Variants in XIRP2 observed in about 807,000 individuals in gnomAD.
XIRP2 encodes the protein xin actin binding repeat containing 2, also known as xin actin-binding repeat-containing protein 2.
Under a neutral mutation model 277.0 loss-of-function variants are expected in XIRP2, and 236 were observed. The ratio of observed to expected loss-of-function variants is 0.85; its 90% CI spans 0.77 to 0.95. The LOEUF (loss-of-function observed/expected upper bound fraction) is 0.95. Ranked by LOEUF, XIRP2 falls within the 40% of genes least tolerant of loss-of-function variation. The pLI is 0.00. For synonymous variants in XIRP2, 1,490 were observed against 1,416.5 expected, an observed-to-expected ratio of 1.05 and a Z score of -1.17; for missense variants, 4,640 against 4,157.5, an observed-to-expected ratio of 1.12 and a Z score of -3.19.
intron 2 of XIRP2, among the ~76,000 whole-genome samples, chr2:166,943,803 G>A (rs562650407): frequency 1.3e-5 from 2 of 152,324 alleles, no homozygotes; most frequent in East Asian, 3.9e-4. Flanking sequence ...TCCCCCAAGA[G>A]AAGGGCTGGA....
intron 2 of XIRP2, among the ~76,000 whole-genome samples, chr2:167,023,027 C>T (rs1369279153): frequency 6.6e-6 from 1 of 152,158 alleles, no homozygotes; most frequent in Non-Finnish European, 1.5e-5. Context: ...GAGGAATCGC[C>T]ACACGGACTT....
intron 2 of XIRP2, among the ~76,000 whole-genome samples, chr2:166,995,093 G>A (rs1687181025): frequency 6.6e-6 from 1 of 151,978 alleles, no homozygotes. Context: ...TGTTGGCCAG[G>A]GTGGTCTCAA....
chr2:166,915,128 T>C (rs576212840), intron 2 of XIRP2, among the ~76,000 whole-genome samples: 1 of 151,234 alleles, frequency 6.6e-6, no homozygotes, highest in East Asian at 2.0e-4. Flanking sequence ...CAACCACGTC[T>C]AGACTAAAAA....
At chr2:166,967,087 C>A (rs1328789906) in intron 2 of XIRP2, among the ~76,000 whole-genome samples, 1 of 151,918 alleles carries the variant, frequency 6.6e-6, no homozygotes, top group African/African-American at 2.4e-5. Context: ...AAATGTCATT[C>A]TCCATTGGCT....
chr2:167,201,248 AAG>A (rs1491295299), intron 3 of XIRP2, among the ~76,000 whole-genome samples: 4 of 75,928 alleles, frequency 5.3e-5, no homozygotes, highest in African/African-American at 3.7e-4. Flanking sequence ...GAAAGAAAGA[AAG>A]AAAGAAAGAA....
chr2:166,911,636 A>G (rs995958954), intron 2 of XIRP2, among the ~76,000 whole-genome samples: 2 of 152,124 alleles, frequency 1.3e-5, no homozygotes, highest in African/African-American at 4.8e-5. Flanking sequence ...TTATGTGTGA[A>G]TTTGATCCTG....
At chr2:167,177,040 T>A (rs79065409) in intron 3 of XIRP2, among the ~76,000 whole-genome samples, 1 of 152,198 alleles carries the variant, frequency 6.6e-6, no homozygotes, top group Non-Finnish European at 1.5e-5. Context: ...CTGAGTGAAC[T>A]TCTATGGGAG....
chr2:167,252,163 G>A (rs1559046558), intron 9 of XIRP2, among the ~76,000 whole-genome samples: 1 of 151,958 alleles, frequency 6.6e-6, no homozygotes, highest in Non-Finnish European at 1.5e-5. Context: ...TGCACTGTGT[G>A]AGAATAACAA....
intron 2 of XIRP2, among the ~76,000 whole-genome samples, chr2:167,038,153 T>A (rs1268789368): frequency 1.3e-5 from 2 of 152,034 alleles, no homozygotes; most frequent in East Asian, 3.8e-4. Context: ...TCTTTTGAGT[T>A]ATGTGCATTT....
intron 6 of XIRP2, 27 bp downstream of exon 6, chr2:167,239,992 C>T (rs775775501): frequency 6.4e-7 from 1 of 1,564,638 alleles, no homozygotes; most frequent in South Asian, 1.2e-5. Flanking sequence ...GCAGTACTTT[C>T]AAACAGTTTC....
intron 2 of XIRP2, among the ~76,000 whole-genome samples, chr2:166,960,429 G>A (rs73973535): frequency 0.047 from 7,082 of 151,724 alleles, 204 homozygotes; most frequent in East Asian, 0.079. Context: ...TCTCCCACCA[G>A]GATCAGGTTT....
At chr2:167,147,122 T>C (rs748785755) in intron 3 of XIRP2, among the ~76,000 whole-genome samples, 1 of 152,178 alleles carries the variant, frequency 6.6e-6, no homozygotes, top group Non-Finnish European at 1.5e-5. Flanking sequence ...GAAATATGCT[T>C]AAGCAGAAAT....
intron 2 of XIRP2, among the ~76,000 whole-genome samples, chr2:167,115,626 G>C (rs1334248805): frequency 1.3e-5 from 2 of 152,138 alleles, no homozygotes; most frequent in South Asian, 2.1e-4. Context: ...TCTTGGAGGG[G>C]CCTCTTCTGA....
intron 2 of XIRP2, among the ~76,000 whole-genome samples, chr2:166,987,508 A>G (rs1384005905): frequency 6.6e-6 from 1 of 152,234 alleles, no homozygotes; most frequent in Non-Finnish European, 1.5e-5. Flanking sequence ...TATAAATAAT[A>G]ATATTTTCAC....
chr2:167,245,796 G>A lies in XIRP2; in HGVS notation c.4404G>A (p.Gly1468=), dbSNP rs768569491. 1 of 1,613,558 alleles carries A rather than the reference G, an allele frequency of 6.2e-7. No homozygotes were observed. The highest frequency in any genetic ancestry group is 1.3e-5 in the African/African-American group (1 of 74,876). The change falls in exon 9 of 11, where the codon GGG becomes GGA. Residue 1468 remains glycine, a synonymous_variant. Coordinates refer to ENST00000409195, the MANE Select transcript of XIRP2 (RefSeq NM_152381.6). ...THTMDELRGE[G]LEYENIKTVT... Reference sequence around the variant, plus strand: ...CTATGGATGAACTGAGAGGAGAAGGGTTAGAATATGAAAATATCAAGACAG... The same window carrying A: ...CTATGGATGAACTGAGAGGAGAAGGATTAGAATATGAAAATATCAAGACAG...
Position 167,248,408 on chromosome 2 carries a change from A to G in XIRP2, c.7016A>G (p.Glu2339Gly). 2 of 1,613,696 alleles carry G rather than the reference A, an allele frequency of 1.2e-6. No homozygotes were observed. The highest frequency in any genetic ancestry group is 1.7e-6 in the Non-Finnish European group (2 of 1,179,804). ...ACAGAGAAGATAAAGGCTGAATTTG[A>G]AAGTTTTCCAGGCCTCCCTCTTCCT... is the stretch of plus-strand genomic sequence containing the variant. ...LSTEKIKAEF[E>G]SFPGLPLPPP... Residue 2339 changes from glutamate to glycine, a missense_variant, in exon 9 of 11, where the codon GAA becomes GGA. Coordinates refer to ENST00000409195, the MANE Select transcript of XIRP2 (RefSeq NM_152381.6).
At chr2:166,973,428 C>T (rs79905618) in intron 2 of XIRP2, among the ~76,000 whole-genome samples, 2,230 of 152,230 alleles carry the variant, frequency 0.015, 26 homozygotes, top group Middle Eastern at 0.031. Context: ...CTAGTTATTT[C>T]CATGTAGGTG....
intron 2 of XIRP2, among the ~76,000 whole-genome samples, chr2:166,986,043 G>A (rs1477527808): frequency 1.3e-5 from 2 of 152,178 alleles, no homozygotes; most frequent in Non-Finnish European, 2.9e-5. Context: ...GCACCAGGTT[G>A]TACCAGAGAG....
intron 9 of XIRP2, among the ~76,000 whole-genome samples, chr2:167,253,057 A>G (rs1430946945): frequency 6.6e-6 from 1 of 151,936 alleles, no homozygotes; most frequent in African/African-American, 2.4e-5. Context: ...GAGTTCACTC[A>G]GTGGCCCAGA....
Sources: gnomAD v4.1 joint callset for allele counts (sites outside exome capture counted in the v4.1 genomes callset) on GRCh38, gnomAD v4.1.1 for gene constraint, MANE v1.5 for transcripts, NCBI Gene and HGNC (gene_info 2026-07-23, HGNC 2026-07-21) for gene names.